The following HTT variants were observed in gnomAD, a reference collection of about 807,000 sequenced individuals.
HTT encodes the protein huntington disease protein.
Under a neutral mutation model 362.3 loss-of-function variants are expected in HTT, and 104 were observed. The observed-to-expected ratio is 0.29, with a 90% CI of 0.24 to 0.34. The LOEUF is 0.34. Ranked by LOEUF, HTT falls within the 10% of genes least tolerant of loss-of-function variation. HTT has a pLI of 1.00. For synonymous variants in HTT, 1,577 were observed against 1,548.7 expected (o/e 1.02, Z -0.43); for missense variants, 3,301 against 3,928.6 (o/e 0.84, Z 4.27).
rs758270865 is a variant in HTT, at chr4:3,115,324, A to G, written c.768A>G (p.Ile256Met). The change falls in exon 7 of 67, where the codon ATA becomes ATG. Residue 256 changes from isoleucine to methionine, a missense_variant. Physicochemically the swap from Ile to Met is conservative, Grantham distance 10 (BLOSUM62 1). Coordinates refer to ENST00000355072, the MANE Select transcript of HTT (RefSeq NM_001388492.1). ...CGTAGGTTTTGTTAAAGGCCTTCAT[A>G]GCGAACCTGAAGTCAAGCTCCCCCA... ...NEIKVLLKAF[I>M]ANLKSSSPTI... is the part of the protein sequence containing the mutation. 2 of 1,614,042 alleles carry G rather than the reference A, an allele frequency of 1.2e-6. No individual in the cohort carries two copies. Among genetic ancestry groups the G allele is most frequent in the East Asian group, 4.5e-5 (2 of 44,890 alleles).
chr4:3,074,934 CAA>C lies in HTT; in HGVS notation c.110_111del (p.Gln37ProfsTer45), dbSNP rs1560535166. On this transcript the variant is annotated frameshift_variant, in exon 1 of 67. Transcript: ENST00000355072. LOFTEE classifies it high-confidence loss of function. ...GCAGCAGCAGCAGCAGCAGCAGCAG[CAA>C]CAGCCGCCACCGCCGCCGCCGCCGC... is the stretch of plus-strand genomic sequence containing the variant. ...QQQQQQQQQQ[Q>X]QPPPPPPPPP... The C allele has an allele frequency of 3.5e-4, 519 of 1,483,312 alleles. 1 individual carries two copies. Among genetic ancestry groups the C allele is most frequent in the African/African-American group, 2.8e-3 (180 of 63,344 alleles). 91.9% of individuals were successfully genotyped at this position (1,483,312 alleles called of 1,614,324 possible).
chr4:3,129,695 G>T, intron 12 of HTT: 1 of 381,354 alleles, frequency 2.6e-6, no homozygotes, highest in Non-Finnish European at 4.6e-6. Flanking sequence ...GAATTTTTTT[G>T]GAGTTTTTAG....
intron 23 of HTT, among the ~76,000 whole-genome samples, chr4:3,144,627 T>G (rs1197212279): frequency 6.6e-6 from 1 of 152,248 alleles, no homozygotes; most frequent in Non-Finnish European, 1.5e-5. Flanking sequence ...GACCTTTTTA[T>G]TTTATTTGAC....
chr4:3,115,940 T>G, intron 7 of HTT, 145 bp from the exon 8 acceptor site: 1 of 740,408 alleles, frequency 1.4e-6, no homozygotes, highest in Non-Finnish European at 2.3e-6. Context: ...TGTGTAGCCA[T>G]TCCCAGTGGG....
In HTT at chr4:3,148,141, C is replaced by T. The variant is rs528411716; in HGVS notation, c.3432C>T (p.His1144=). ...CCATGGTGGAGCAGCTCTTCTCTCACCTGCTGAAGGTGATTAACATTTGTG... is the reference window on the plus strand; with the variant it reads ...CCATGGTGGAGCAGCTCTTCTCTCATCTGCTGAAGGTGATTAACATTTGTG... ...LVPMVEQLFS[H]LLKVINICAH... Residue 1144 remains histidine (H), a synonymous_variant, in exon 26 of 67, where the codon CAC becomes CAT. Coordinates refer to ENST00000355072, the MANE Select transcript of HTT (RefSeq NM_001388492.1). 70 of 1,613,504 alleles carry T rather than the reference C, an allele frequency of 4.3e-5. 1 individual carries two copies. The South Asian group carries it at 5.3e-4, about 12-fold the overall frequency.
intron 31 of HTT, 72 bp downstream of exon 31, chr4:3,173,203 A>C (rs1718074152): frequency 8.1e-7 from 1 of 1,235,324 alleles, no homozygotes; most frequent in Non-Finnish European, 1.2e-6. Context: ...TTTGTAAAAG[A>C]ATAAAAACGA....
intron 54 of HTT, 53 bp from the exon 55 acceptor site, chr4:3,223,353 A>T: frequency 1.3e-6 from 2 of 1,502,158 alleles, no homozygotes. Flanking sequence ...CTGCAGGCAG[A>T]GGTGGTTGTG....
chr4:3,185,561 G>T (rs1306352146), intron 37 of HTT, among the ~76,000 whole-genome samples: 1 of 152,230 alleles, frequency 6.6e-6, no homozygotes, highest in Non-Finnish European at 1.5e-5. Context: ...AATAAGTAAT[G>T]GTTGAACACA....
intron 15 of HTT, 23 bp from the exon 16 acceptor site, chr4:3,131,615 T>TG: frequency 6.2e-7 from 1 of 1,609,234 alleles, no homozygotes; most frequent in Non-Finnish European, 8.5e-7. Flanking sequence ...AGGCTGAAGG[T>TG]GGCTTGGGTG....
rs184807869 is a variant in HTT, at chr4:3,079,098, G to A, written c.263+4010G>A. Among the ~76,000 whole-genome samples the A allele has an allele frequency of 1.5e-3, 229 of 152,052 alleles. 2 individuals carry two copies. Among genetic ancestry groups the A allele is most frequent in the African/African-American group, 5.3e-3 (220 of 41,438 alleles). ...TTTAGTAGAGATGGGGTTTTGCCATGATGAGCAGGCTGGTCTCGAACTCCC... is the reference window on the plus strand; with the variant it reads ...TTTAGTAGAGATGGGGTTTTGCCATAATGAGCAGGCTGGTCTCGAACTCCC... On this transcript the variant is annotated intron_variant, in intron 1 of 66. Coordinates refer to ENST00000355072, the MANE Select transcript of HTT (RefSeq NM_001388492.1).
chr4:3,180,092 A>G (rs769707729), intron 35 of HTT, among the ~76,000 whole-genome samples: 7 of 152,032 alleles, frequency 4.6e-5, no homozygotes, highest in Non-Finnish European at 8.8e-5. Context: ...TTAAAAAAGC[A>G]TAATAATCCA....
At position 3,148,188 on chromosome 4, in the gene HTT, C is replaced by T; in HGVS notation, c.3479C>T (p.Ala1160Val). 1.3e-6 allele frequency: 2 copies of T among 1,585,672 alleles called. No homozygotes were observed. The highest frequency in any genetic ancestry group is 1.7e-6 in the Non-Finnish European group (2 of 1,165,236). The change falls in exon 26 of 67, where the codon GCT becomes GTT. Residue 1160 changes from alanine to valine, a missense_variant. Coordinates refer to ENST00000355072, the MANE Select transcript of HTT (RefSeq NM_001388492.1). ...NICAHVLDDV[A>V]PGPAIKAALP... ...TGTGCCCACGTCCTGGATGACGTGG[C>T]TCCTGGACCCGCAATAAAGGTAATG...
chr4:3,218,802 G>A lies in HTT; in HGVS notation c.7242+850G>A, dbSNP rs1219792945. 6.6e-6 allele frequency among the ~76,000 whole-genome samples: 1 copy of A among 152,182 alleles called. No individual in the cohort carries two copies. The highest frequency in any genetic ancestry group is 6.5e-5 in the Admixed American group (1 of 15,280). ...AAGATGATGGGGCCTGTTCCTTAGG[G>A]CCTGCAGCATCCTCAGGCAGGAAAG... On this transcript the variant is annotated intron_variant, in intron 52 of 66. Coordinates refer to ENST00000355072, the MANE Select transcript of HTT (RefSeq NM_001388492.1). This position sits in a 1 kb window ranked among gnomAD's most constrained non-coding sequence, Gnocchi z 4.4.
chr4:3,130,158 T>C (rs1715733972), intron 13 of HTT, 111 bp downstream of exon 13: 1 of 1,216,156 alleles, frequency 8.2e-7, no homozygotes, highest in Non-Finnish European at 1.2e-6. Flanking sequence ...TTCTGAGTTC[T>C]GAATAGCTGA....
At position 3,099,341 on chromosome 4, in the gene HTT, G is replaced by T; in HGVS notation, c.415G>T (p.Ala139Ser). 1.2e-6 allele frequency: 2 copies of T among 1,613,634 alleles called. No homozygotes were observed. Among genetic ancestry groups the T allele is most frequent in the Non-Finnish European group, 1.7e-6 (2 of 1,179,550 alleles). The change falls in exon 3 of 67, where the codon GCA becomes TCA. Residue 139 changes from alanine to serine, a missense_variant. Ala to Ser is a moderately conservative substitution (Grantham distance 99). This residue lies in a region of HTT where 2,316 missense variants were observed against 2,658.5 expected (regional missense o/e 0.87). Coordinates refer to ENST00000355072, the MANE Select transcript of HTT (RefSeq NM_001388492.1). ...MELFLLCSDD[A>S]ESDVRMVADE... The stretch of plus-strand genomic sequence containing the variant: ...ACTTTTTCTGCTGTGCAGTGATGAC[G>T]CAGAGTCAGATGTCAGGATGGTGGC...
chr4:3,187,164 A>AT (rs905346799), intron 38 of HTT, among the ~76,000 whole-genome samples: 22 of 139,326 alleles, frequency 1.6e-4, no homozygotes, highest in African/African-American at 4.6e-4. Flanking sequence ...CGGCCTTTTT[A>AT]TTTTTTTTGG....
At chr4:3,198,995 G>C (rs936162370) in intron 40 of HTT, among the ~76,000 whole-genome samples, 1 of 152,256 alleles carries the variant, frequency 6.6e-6, no homozygotes, top group Non-Finnish European at 1.5e-5. Flanking sequence ...GCAAGCCCAG[G>C]AGCTGTTGAG....
At chr4:3,212,800 A>G in intron 49 of HTT, 91 bp downstream of exon 49, 1 of 1,372,160 alleles carries the variant, frequency 7.3e-7, no homozygotes, top group East Asian at 2.3e-5. Context: ...TTGAAAAGCA[A>G]GATCTCTGAC....
intron 50 of HTT, among the ~76,000 whole-genome samples, chr4:3,214,693 T>C (rs1477837797): frequency 1.3e-5 from 2 of 148,670 alleles, no homozygotes; most frequent in Non-Finnish European, 3.0e-5. Context: ...TGTTATAGAG[T>C]GATGTTTTCA....
Sources: gnomAD v4.1 joint callset for allele counts (sites outside exome capture counted in the v4.1 genomes callset) on GRCh38, gnomAD v4.1.1 for gene constraint, gnomAD v4.1.1 regional missense constraint, Gnocchi (gnomAD v3.1) non-coding constraint, MANE v1.5 for transcripts, NCBI Gene and HGNC (gene_info 2026-07-23, HGNC 2026-07-21) for gene names.